The following CNPY1 variants were observed in gnomAD, a reference collection of about 807,000 sequenced individuals.
The protein encoded by CNPY1 is protein canopy homolog 1.
Under a neutral mutation model 14.4 loss-of-function variants are expected in CNPY1, and 14 were observed. The ratio of observed to expected loss-of-function variants is 0.97; its 90% CI spans 0.64 to 1.52. The LOEUF (loss-of-function observed/expected upper bound fraction) is 1.52, where lower values mean the gene tolerates loss of function less well. Among genes scored for constraint, CNPY1 ranks in the 40% most tolerant of loss-of-function variants. CNPY1 has a pLI of 0.00. For missense variants in CNPY1, 129 were observed against 131.5 expected, an observed-to-expected ratio of 0.98 and a Z score of 0.09; for synonymous variants, 43 against 46.5, an observed-to-expected ratio of 0.92 and a Z score of 0.31.
At chr7:155,527,801 A>T (rs999483057) in intron 2 of CNPY1, among the ~76,000 whole-genome samples, 2 of 152,128 alleles carry the variant, frequency 1.3e-5, no homozygotes, top group Non-Finnish European at 1.5e-5. Context: ...GAGTAATGAG[A>T]CATGTGAGTA....
intron 1 of CNPY1, 130 bp downstream of exon 1, chr7:155,546,299 A>G: frequency 2.6e-6 from 1 of 385,306 alleles, no homozygotes. Flanking sequence ...CCATCCTCCC[A>G]TTTCCACCTC....
rs2116752414 is a variant in CNPY1 at position 155,536,575 on chromosome 7, G to T, written c.99+9256C>A. Among the ~76,000 whole-genome samples the T allele has an allele frequency of 6.6e-6, 1 of 152,268 alleles. No individual in the cohort carries two copies. The highest frequency in any genetic ancestry group is 1.5e-5 in the Non-Finnish European group (1 of 68,028). ...CTGGAGTCCCAGCCGTGGAACGTAGGCAGAAGCAAGGCCCCTCCCTGTTAG... is the reference window on the plus strand; with the variant it reads ...CTGGAGTCCCAGCCGTGGAACGTAGTCAGAAGCAAGGCCCCTCCCTGTTAG... On this transcript the variant is annotated intron_variant, in intron 2 of 4. Transcript: ENST00000636446. The surrounding 1 kb of genome is among the most constrained non-coding windows in gnomAD (Gnocchi z 4.1).
intron 2 of CNPY1, among the ~76,000 whole-genome samples, chr7:155,532,805 G>A (rs1185905724): frequency 6.6e-6 from 1 of 151,924 alleles, no homozygotes; most frequent in Non-Finnish European, 1.5e-5. Flanking sequence ...AAACTGCCTC[G>A]CTCATGGAGT....
At chr7:155,510,637 C>G (rs938596904) in intron 2 of CNPY1, among the ~76,000 whole-genome samples, 7 of 152,212 alleles carry the variant, frequency 4.6e-5, no homozygotes, top group Non-Finnish European at 8.8e-5. Flanking sequence ...GCTTTTAAAA[C>G]TCATGAATGT....
intron 2 of CNPY1, among the ~76,000 whole-genome samples, chr7:155,517,817 A>T (rs1370700701): frequency 1.3e-5 from 2 of 152,242 alleles, no homozygotes. Flanking sequence ...CAGGGCGATG[A>T]TATCCACCTT....
At chr7:155,538,023 GAC>G (rs981551212) in intron 2 of CNPY1, among the ~76,000 whole-genome samples, 8 of 152,222 alleles carry the variant, frequency 5.3e-5, no homozygotes, top group Non-Finnish European at 1.0e-4. Context: ...GCAGTGAACA[GAC>G]ACAGACACGT....
chr7:155,543,731 C>A (rs551796024), intron 2 of CNPY1, among the ~76,000 whole-genome samples: 1 of 152,278 alleles, frequency 6.6e-6, no homozygotes, highest in Non-Finnish European at 1.5e-5. Context: ...GGAACCCACC[C>A]GCGCGCCTAC....
intron 2 of CNPY1, among the ~76,000 whole-genome samples, chr7:155,540,536 C>T (rs1029682557): frequency 1.3e-5 from 2 of 152,212 alleles, no homozygotes; most frequent in Admixed American, 6.5e-5. Context: ...TGGTGCAAAC[C>T]GGATATTGGC....
intron 2 of CNPY1, chr7:155,533,702 C>G (rs1009531691): frequency 1.3e-5 from 2 of 152,198 alleles, no homozygotes; most frequent in Admixed American, 6.5e-5. Context: ...GAAGCAATAG[C>G]TATGGGATTA....
Position 155,509,112 on chromosome 7 carries a change from A to T in CNPY1, c.100-15T>A. 1 of 1,482,830 alleles carries T rather than the reference A, an allele frequency of 6.7e-7. No homozygotes were observed. The highest frequency in any genetic ancestry group is 9.1e-7 in the Non-Finnish European group (1 of 1,094,070). 91.9% of individuals were successfully genotyped at this position (1,482,830 alleles called of 1,614,324 possible). On this transcript the variant is annotated splice_polypyrimidine_tract_variant and intron_variant, in intron 2 of 4. Coordinates refer to ENST00000636446, the MANE Select transcript of CNPY1 (RefSeq NM_001393663.1). ...GCTAGGGGGATCTAAGAAGAAAGAC[A>T]GGGCGAGGAAACTTGTCTTAATGTT... is the stretch of plus-strand genomic sequence containing the variant.
intron 2 of CNPY1, among the ~76,000 whole-genome samples, chr7:155,530,211 C>T (rs1379198350): frequency 1.3e-5 from 2 of 151,986 alleles, no homozygotes; most frequent in African/African-American, 4.8e-5. Context: ...GTGTCTCTCT[C>T]CACATCGGCC....
chr7:155,511,136 C>T (rs1400269280), intron 2 of CNPY1, among the ~76,000 whole-genome samples: 1 of 152,156 alleles, frequency 6.6e-6, no homozygotes, highest in Non-Finnish European at 1.5e-5. Context: ...TCCTCCCTCC[C>T]CCACTCTCGT....
intron 2 of CNPY1, among the ~76,000 whole-genome samples, chr7:155,521,510 G>T (rs1476629636): frequency 1.3e-5 from 2 of 152,178 alleles, no homozygotes; most frequent in Non-Finnish European, 2.9e-5. Flanking sequence ...ACAAAGTGAA[G>T]GGGTCCCTGT....
chr7:155,514,766 T>C (rs1023092484), intron 2 of CNPY1, among the ~76,000 whole-genome samples: 1 of 152,050 alleles, frequency 6.6e-6, no homozygotes, highest in Non-Finnish European at 1.5e-5. Context: ...TGGTGGTGCA[T>C]GCCTGTCATC....
chr7:155,519,671 C>T (rs1413855627), intron 2 of CNPY1, among the ~76,000 whole-genome samples: 1 of 151,972 alleles, frequency 6.6e-6, no homozygotes, highest in African/African-American at 2.4e-5. Context: ...AATATTGTTC[C>T]TGTTAAATAA....
chr7:155,527,434 CTTTTTTTTTTTTTT>C (rs11364914), intron 2 of CNPY1, among the ~76,000 whole-genome samples: 1 of 56,884 alleles, frequency 1.8e-5, no homozygotes, highest in Non-Finnish European at 3.0e-5. Flanking sequence ...TAATTAATTT[CTTTTTTTTTTTTTT>C]TTTTTTTTTT....
At chr7:155,530,625 C>A (rs763077511) in intron 2 of CNPY1, among the ~76,000 whole-genome samples, 1 of 152,226 alleles carries the variant, frequency 6.6e-6, no homozygotes, top group South Asian at 2.1e-4. Context: ...CCACTGCCAA[C>A]GGCCAGGCAG....
At chr7:155,532,375 C>A (rs1219855061) in intron 2 of CNPY1, among the ~76,000 whole-genome samples, 1 of 152,094 alleles carries the variant, frequency 6.6e-6, no homozygotes, top group African/African-American at 2.4e-5. Flanking sequence ...GTACTCCCAG[C>A]ACTTTGGGAG....
At chr7:155,516,026 CCT>C (rs1796616097) in intron 2 of CNPY1, among the ~76,000 whole-genome samples, 1 of 151,736 alleles carries the variant, frequency 6.6e-6, no homozygotes, top group Admixed American at 6.6e-5. Context: ...TGTCCCCCCT[CCT>C]CTTTTACACA....
Sources: gnomAD v4.1 joint callset for allele counts (sites outside exome capture counted in the v4.1 genomes callset) on GRCh38, gnomAD v4.1.1 for gene constraint, Gnocchi (gnomAD v3.1) non-coding constraint, MANE v1.5 for transcripts, NCBI Gene and HGNC (gene_info 2026-07-23, HGNC 2026-07-21) for gene names.